NEK10: variants seen among roughly 807,000 people sequenced by gnomAD.
NEK10 encodes serine/threonine-protein kinase Nek10.
A neutral mutation model predicts 159.8 loss-of-function variants in NEK10; 122 were observed. The ratio of observed to expected loss-of-function variants is 0.76; its 90% CI spans 0.66 to 0.89. The LOEUF (loss-of-function observed/expected upper bound fraction) is 0.89, where lower values mean the gene tolerates loss of function less well. NEK10 is among the 40% of genes least tolerant of loss of function. NEK10 has a pLI of 0.00. For missense variants in NEK10, 1,342 were observed against 1,323.1 expected (o/e 1.01, Z -0.22); for synonymous variants, 466 against 457.1 (o/e 1.02, Z -0.25).
At chr3:27,214,933 A>T (rs1951356161) in intron 23 of NEK10, 1 of 962,136 alleles carries the variant, frequency 1.0e-6, no homozygotes, top group Admixed American at 1.7e-5. Flanking sequence ...AGGTGAGAAG[A>T]CAATTCCTAA....
chr3:27,208,344 C>A (rs1477483486), intron 23 of NEK10, among the ~76,000 whole-genome samples: 1 of 152,066 alleles, frequency 6.6e-6, no homozygotes, highest in Non-Finnish European at 1.5e-5. Context: ...TCCATCCATG[C>A]CTTGATCTTC....
At chr3:27,188,870 C>T (rs1459364623) in intron 26 of NEK10, among the ~76,000 whole-genome samples, 1 of 152,110 alleles carries the variant, frequency 6.6e-6, no homozygotes, top group Non-Finnish European at 1.5e-5. Flanking sequence ...AAGCAGTAGA[C>T]TCTTCAGAAA....
At chr3:27,178,395 C>T (rs1399528804) in intron 26 of NEK10, among the ~76,000 whole-genome samples, 1 of 152,092 alleles carries the variant, frequency 6.6e-6, no homozygotes, top group Non-Finnish European at 1.5e-5. Flanking sequence ...ACAGCTATAT[C>T]CTATAGATGC....
intron 25 of NEK10, among the ~76,000 whole-genome samples, chr3:27,193,102 G>T (rs1024948945): frequency 6.6e-6 from 1 of 152,186 alleles, no homozygotes; most frequent in Non-Finnish European, 1.5e-5. Flanking sequence ...AAGTGCACAT[G>T]CATTGTAAAA....
chr3:27,331,237 C>CAAAAAAAAAAACA (rs752017228), intron 5 of NEK10, among the ~76,000 whole-genome samples: 23 of 29,590 alleles, frequency 7.8e-4, no homozygotes, highest in African/African-American at 1.3e-3. Context: ...GACTCTGTCT[C>CAAAAAAAAAAACA]AAAAAAAAAA....
chr3:27,185,507 AG>A, intron 26 of NEK10, among the ~76,000 whole-genome samples: 1 of 152,172 alleles, frequency 6.6e-6, no homozygotes, highest in Non-Finnish European at 1.5e-5. Flanking sequence ...GATGAGGAAG[AG>A]ATTCAGCCTG....
At chr3:27,265,186 C>G (rs776734953) in intron 22 of NEK10, among the ~76,000 whole-genome samples, 1 of 152,160 alleles carries the variant, frequency 6.6e-6, no homozygotes, top group African/African-American at 2.4e-5. Context: ...CAAAACATGT[C>G]CACCATTCTC....
At chr3:27,133,181 C>T (rs960920135) in intron 31 of NEK10, among the ~76,000 whole-genome samples, 4 of 152,154 alleles carry the variant, frequency 2.6e-5, no homozygotes, top group Non-Finnish European at 5.9e-5. Flanking sequence ...CCTGAGCAGC[C>T]CGAATGGAAC....
In NEK10 at chr3:27,352,829, C is replaced by T. The variant is rs139295063; in HGVS notation, c.54G>A (p.Gln18=). Residue 18 remains glutamine (Q), a synonymous_variant, in exon 2 of 36, where the codon CAG becomes CAA. Transcript: ENST00000691995. ...VKTTEKSTDK[Q]QEITIRDYSD... is the part of the protein sequence containing the mutation. ...GGAGTTACCTGATGGTGATTTCTTG[C>T]TGTTTATCAGTTGATTTTTCTGTGG... The T allele has an allele frequency of 8.1e-5, 130 of 1,609,446 alleles. No individual in the cohort carries two copies. In the East Asian group the frequency reaches 2.6e-3, roughly 33 times the overall value.
At chr3:27,357,100 T>C (rs192120300) in intron 1 of NEK10, among the ~76,000 whole-genome samples, 56 of 152,294 alleles carry the variant, frequency 3.7e-4, no homozygotes, top group Admixed American at 2.0e-3. Flanking sequence ...CAGCCTATAC[T>C]CCCCACATAT....
At chr3:27,279,228 C>T (rs2041978643) in intron 22 of NEK10, among the ~76,000 whole-genome samples, 1 of 151,958 alleles carries the variant, frequency 6.6e-6, no homozygotes, top group African/African-American at 2.4e-5. Context: ...TTTCTGAAAG[C>T]TTTTTTTTCT....
rs558557565 is a variant in NEK10, at chr3:27,322,186, T to C, written c.438A>G (p.Pro146=). The C allele has an allele frequency of 2.0e-5, 31 of 1,541,260 alleles. No individual in the cohort carries two copies. The South Asian group carries it at 3.1e-4, about 16-fold the overall frequency. Residue 146 remains proline, a synonymous_variant, in exon 6 of 36, where the codon CCA becomes CCG. Transcript: ENST00000691995. The part of the protein sequence containing the change: ...LICLRLLMRD[P]CYQEILHSLG... Reference sequence around the variant, plus strand: ...TATTTTTCCAACCAACCTGATAACATGGATCCCTCATTAGTAGCCTCAGAC... The same window carrying C: ...TATTTTTCCAACCAACCTGATAACACGGATCCCTCATTAGTAGCCTCAGAC...
intron 23 of NEK10, among the ~76,000 whole-genome samples, chr3:27,217,219 C>T (rs1951626770): frequency 6.6e-6 from 1 of 152,142 alleles, no homozygotes; most frequent in South Asian, 2.1e-4. Flanking sequence ...TCCAACCCAA[C>T]TCTAGCATAA....
intron 23 of NEK10, chr3:27,206,500 C>CTCAGATACCATATAATGACCCT: frequency 1.3e-6 from 1 of 771,824 alleles, no homozygotes; most frequent in Non-Finnish European, 1.6e-6. Context: ...CTTCCTCCCT[C>CTCAGATACCATATAATGACCCT]TCAGATACCA....
chr3:27,176,697 T>C (rs1947540008), intron 26 of NEK10, among the ~76,000 whole-genome samples: 1 of 152,210 alleles, frequency 6.6e-6, no homozygotes, highest in Non-Finnish European at 1.5e-5. Context: ...TTCAAGGCCT[T>C]TTCCTTCTTA....
intron 5 of NEK10, among the ~76,000 whole-genome samples, chr3:27,336,023 A>G (rs1221667976): frequency 6.6e-6 from 1 of 152,204 alleles, no homozygotes; most frequent in Non-Finnish European, 1.5e-5. Context: ...AGCAGAATTA[A>G]ACAAAATAGA....
chr3:27,207,793 A>G (rs6806213), intron 23 of NEK10, among the ~76,000 whole-genome samples: 35,719 of 152,052 alleles, frequency 0.23, 4,542 homozygotes, highest in Middle Eastern at 0.38. Flanking sequence ...TTACTGAAAA[A>G]AGAACATAAA....
Position 27,227,715 on chromosome 3 carries a change from A to G in NEK10, c.2091-25158T>C, listed in dbSNP as rs988468587. On this transcript the variant is annotated intron_variant, in intron 23 of 35. Transcript: ENST00000691995. ...AAATATCACTAAGTAGGTGATACCC[A>G]TAACCAAGGAAACATTTATTTTATT... Among the ~76,000 whole-genome samples, 4 of 152,230 alleles carry G rather than the reference A, an allele frequency of 2.6e-5. No homozygotes were observed. In the East Asian group the frequency reaches 7.7e-4, roughly 29 times the overall value.
intron 5 of NEK10, among the ~76,000 whole-genome samples, chr3:27,328,285 T>G (rs1243302820): frequency 6.6e-6 from 1 of 152,232 alleles, no homozygotes; most frequent in Admixed American, 6.5e-5. Flanking sequence ...CTCATGGAGC[T>G]TACATTCTGA....
Sources: gnomAD v4.1 joint callset for allele counts (sites outside exome capture counted in the v4.1 genomes callset) on GRCh38, gnomAD v4.1.1 for gene constraint, MANE v1.5 for transcripts, NCBI Gene and HGNC (gene_info 2026-07-23, HGNC 2026-07-21) for gene names.